Variants in PACRGL observed in about 807,000 individuals in gnomAD.
PACRGL encodes the protein PACRG-like protein.
In PACRGL, 38 loss-of-function variants were observed where a neutral mutation model predicts 34.5. The observed-to-expected ratio is 1.10, with a 90% CI of 0.85 to 1.44. The LOEUF (loss-of-function observed/expected upper bound fraction) is 1.44. PACRGL is among the 40% of genes most tolerant of loss of function. PACRGL has a pLI of 0.00. For synonymous variants in PACRGL, 128 were observed against 100.1 expected (o/e 1.28, Z -1.66); for missense variants, 305 against 281.4 (o/e 1.08, Z -0.60).
In PACRGL at chr4:20,731,556, A is replaced by T; in HGVS notation, c.*4215A>T. 1 of 985,424 alleles carries T rather than the reference A, an allele frequency of 1.0e-6. No individual in the cohort carries two copies. The highest frequency in any genetic ancestry group is 4.7e-5 in the South Asian group (1 of 21,286). The allele number at this position is 985,424 out of a possible 1,614,324, so 61.0% of individuals were successfully genotyped here. A position where few individuals can be genotyped will look rare whatever the true frequency, so the allele number is the denominator to read the frequency against. ...AGTCAAAGAGCCATTTCTTGTCCACATACACTAAAACAATGACTTTTCTCT... is the reference window on the plus strand; with the variant it reads ...AGTCAAAGAGCCATTTCTTGTCCACTTACACTAAAACAATGACTTTTCTCT... On this transcript the variant is annotated 3_prime_UTR_variant, in exon 9 of 9. Coordinates refer to ENST00000503585, the MANE Select transcript of PACRGL (RefSeq NM_001258345.3).
the PACRGL span, among the ~76,000 whole-genome samples, chr4:20,765,074 A>G: frequency 6.6e-6 from 1 of 152,198 alleles, no homozygotes; most frequent in Non-Finnish European, 1.5e-5. Flanking sequence ...CATTTATTCA[A>G]TAAGTAGTTA....
At chr4:20,740,562 C>G (rs1750820342) in intron 8 of PACRGL, among the ~76,000 whole-genome samples, 1 of 152,174 alleles carries the variant, frequency 6.6e-6, no homozygotes, top group South Asian at 2.1e-4. Flanking sequence ...CTTACAAGAG[C>G]TTCTGAAGGA....
intron 7 of PACRGL, among the ~76,000 whole-genome samples, chr4:20,721,712 G>A (rs567097271): frequency 7.2e-5 from 11 of 152,330 alleles, no homozygotes; most frequent in Admixed American, 2.6e-4. Flanking sequence ...GTACTCGGCC[G>A]TGTGAGGTGT....
At position 20,731,961 on chromosome 4, in the gene PACRGL, T is replaced by TAATACTCA; in HGVS notation, c.*4620_*4621insAATACTCA. ...GCTAGCTGCTAATACTCAGTTTAGCTGTTATGATAGCTGAATTGATAGTTA... is the reference window on the plus strand; with the variant it reads ...GCTAGCTGCTAATACTCAGTTTAGCTAATACTCAGTTATGATAGCTGAATTGATAGTTA... On this transcript the variant is annotated 3_prime_UTR_variant, in exon 9 of 9. Transcript: ENST00000503585. The TAATACTCA allele has an allele frequency of 6.2e-7, 1 of 1,610,000 alleles. No homozygotes were observed. The highest frequency in any genetic ancestry group is 8.5e-7 in the Non-Finnish European group (1 of 1,178,572).
intron 7 of PACRGL, among the ~76,000 whole-genome samples, chr4:20,715,466 C>G (rs565818430): frequency 6.6e-6 from 1 of 152,090 alleles, no homozygotes; most frequent in Non-Finnish European, 1.5e-5. Flanking sequence ...ATCTCATCAT[C>G]CTTAGCAAAA....
intron 1 of PACRGL, chr4:20,702,176 A>G (rs1732475486): frequency 2.2e-6 from 1 of 456,678 alleles, no homozygotes; most frequent in Non-Finnish European, 4.4e-6. Flanking sequence ...GTGAAGGAAG[A>G]TAGAAATTTA....
upstream of PACRGL, chr4:20,696,426 A>G (rs1731247915): frequency 6.6e-6 from 1 of 152,260 alleles, no homozygotes; most frequent in South Asian, 2.1e-4. Context: ...AGACCAAAGT[A>G]CGTATATCCT....
At position 20,731,911 on chromosome 4, in the gene PACRGL, T is replaced by G; in HGVS notation, c.*4570T>G. 6.5e-7 allele frequency: 1 copy of G among 1,541,496 alleles called. No homozygotes were observed. Among genetic ancestry groups the G allele is most frequent in the East Asian group, 2.3e-5 (1 of 43,416 alleles). Reference sequence around the variant, plus strand: ...AAGTGGTAAACTTAGGCATATGATCTCTATATTTCGCCCAGTTCATGGTAG... The same window carrying G: ...AAGTGGTAAACTTAGGCATATGATCGCTATATTTCGCCCAGTTCATGGTAG... On this transcript the variant is annotated 3_prime_UTR_variant, in exon 9 of 9. Coordinates refer to ENST00000503585, the MANE Select transcript of PACRGL (RefSeq NM_001258345.3).
Position 20,730,353 on chromosome 4 carries a change from G to A in PACRGL, c.*3012G>A, listed in dbSNP as rs1747733777. On this transcript the variant is annotated 3_prime_UTR_variant, in exon 9 of 9. Transcript: ENST00000503585. ...ATATTTTGTGGAGTCTATTGACCAG[G>A]CATTAAACCACTTTATTTAAATCTT... Among the ~76,000 whole-genome samples, 1 of 152,110 alleles carries A rather than the reference G, an allele frequency of 6.6e-6. No homozygotes were observed. The highest frequency in any genetic ancestry group is 6.5e-5 in the Admixed American group (1 of 15,270).
intron 6 of PACRGL, 69 bp from the exon 7 acceptor site, chr4:20,713,363 C>A: frequency 8.2e-7 from 1 of 1,215,378 alleles, no homozygotes; most frequent in Non-Finnish European, 1.2e-6. Context: ...TTTTTCTAAC[C>A]TATCTTTTCT....
At chr4:20,697,305 CAG>C (rs1731282667), upstream of PACRGL, among the ~76,000 whole-genome samples, 1 of 152,038 alleles carries the variant, frequency 6.6e-6, no homozygotes, top group Non-Finnish European at 1.5e-5. Flanking sequence ...TACAAAAAGG[CAG>C]AGATTTTCTT....
intron 8 of PACRGL, among the ~76,000 whole-genome samples, chr4:20,746,786 C>A (rs1752508546): frequency 6.6e-6 from 1 of 152,130 alleles, no homozygotes; most frequent in South Asian, 2.1e-4. Flanking sequence ...TCCAGGGCCC[C>A]TCCTATCATA....
chr4:20,710,190 C>A (rs1160432403), intron 5 of PACRGL, among the ~76,000 whole-genome samples: 1 of 152,144 alleles, frequency 6.6e-6, no homozygotes, highest in African/African-American at 2.4e-5. Flanking sequence ...GGAATTGATA[C>A]TACCTACCTA....
downstream of PACRGL, among the ~76,000 whole-genome samples, chr4:20,733,598 T>G (rs1189547879): frequency 1.3e-5 from 2 of 152,200 alleles, no homozygotes; most frequent in Non-Finnish European, 2.9e-5. Context: ...GCAAGTAGTT[T>G]GTTAGACACA....
intron 3 of PACRGL, 147 bp from the exon 4 acceptor site, chr4:20,707,656 A>G (rs1735140995): frequency 2.9e-6 from 2 of 684,014 alleles, no homozygotes; most frequent in Non-Finnish European, 5.3e-6. Flanking sequence ...ATTCTAGTAG[A>G]GAGAGGATTG....
At chr4:20,756,759 C>T (rs551775801), downstream of PACRGL, among the ~76,000 whole-genome samples, 2 of 152,188 alleles carry the variant, frequency 1.3e-5, no homozygotes, top group South Asian at 2.1e-4. Flanking sequence ...CCTTACTGGA[C>T]TTCATCATTT....
intron 8 of PACRGL, among the ~76,000 whole-genome samples, 178 bp from the exon 9 acceptor site, chr4:20,727,107 G>A (rs1449833075): frequency 1.3e-5 from 2 of 152,108 alleles, no homozygotes; most frequent in African/African-American, 4.8e-5. Flanking sequence ...CAAAAAAAGA[G>A]AAAGAAACAG....
chr4:20,704,396 G>C, intron 1 of PACRGL, 70 bp from the exon 2 acceptor site: 2 of 1,434,206 alleles, frequency 1.4e-6, no homozygotes, highest in Non-Finnish European at 1.9e-6. Flanking sequence ...TTCTGGTTTT[G>C]TCTTTTTATT....
chr4:20,699,908 G>A (rs2149015227), upstream of PACRGL, among the ~76,000 whole-genome samples: 1 of 152,188 alleles, frequency 6.6e-6, no homozygotes, highest in South Asian at 2.1e-4. Context: ...TTTAAATGCG[G>A]ATATACTGTG....
Sources: allele counts gnomAD v4.1 joint callset (sites outside exome capture counted in the v4.1 genomes callset), GRCh38; gene constraint gnomAD v4.1.1; transcripts MANE v1.5; gene names NCBI Gene and HGNC (gene_info 2026-07-23, HGNC 2026-07-21).